The following CAPN8 variants were observed in gnomAD, a reference collection of about 807,000 sequenced individuals.
CAPN8 encodes the protein calpain-8.
Under a neutral mutation model 80.9 loss-of-function variants are expected in CAPN8, and 87 were observed. The observed-to-expected ratio is 1.07, with a 90% CI of 0.90 to 1.28. The LOEUF (loss-of-function observed/expected upper bound fraction) is 1.28. Ranked by LOEUF, CAPN8 falls within the 50% of genes most tolerant of loss-of-function variation. The probability of loss-of-function intolerance (pLI) is 0.00; values close to 1 mark genes in which losing one functional copy is unlikely to be tolerated. For synonymous variants in CAPN8, 299 were observed against 273.8 expected (o/e 1.09, Z -0.91); for missense variants, 757 against 702.0 (o/e 1.08, Z -0.89).
chr1:223,625,475 T>G (rs1657543146), intron 6 of CAPN8, among the ~76,000 whole-genome samples: 1 of 152,190 alleles, frequency 6.6e-6, no homozygotes, highest in South Asian at 2.1e-4. Flanking sequence ...TTTAATTTTT[T>G]CGTAGCGATG....
At chr1:223,545,407 ATGTCT>A (rs1216679915) in intron 16 of CAPN8, 108 bp from the exon 17 acceptor site, 2 of 1,502,414 alleles carry the variant, frequency 1.3e-6, no homozygotes, top group Non-Finnish European at 1.8e-6. Context: ...TGAACCTTCC[ATGTCT>A]GTGGCAAGCA....
intron 14 of CAPN8, among the ~76,000 whole-genome samples, chr1:223,553,304 C>A (rs1248813374): frequency 6.6e-6 from 1 of 152,284 alleles, no homozygotes; most frequent in African/African-American, 2.4e-5. Flanking sequence ...GCTCCAAGTG[C>A]CCAAGTTGCA....
chr1:223,613,519 A>T (rs953991978), intron 10 of CAPN8, among the ~76,000 whole-genome samples: 6 of 152,236 alleles, frequency 3.9e-5, no homozygotes, highest in African/African-American at 1.4e-4. Context: ...TGAGCCAGGC[A>T]GGTGGGGCCT....
At position 223,665,417 on chromosome 1, in the gene CAPN8, C is replaced by T. The variant is rs370877456; in HGVS notation, c.230G>A (p.Arg77Gln). The T allele has an allele frequency of 5.0e-5, 78 of 1,550,834 alleles. No individual in the cohort carries two copies. The highest frequency in any genetic ancestry group is 3.1e-4 in the African/African-American group (23 of 73,132). ...SPQTQGIIWK[R>Q]PTELCPSPQF... ...GCAAGCCCGCTTCCTTACCGTGGGC[C>T]GCTTCCAGATGATGCCTTGAGTTTG... Residue 77 changes from arginine (R) to glutamine (Q), a missense_variant, in exon 1 of 21, where the codon CGG becomes CAG. Transcript: ENST00000366872.
At chr1:223,637,800 A>G (rs1361280376) in intron 2 of CAPN8, among the ~76,000 whole-genome samples, 1 of 152,160 alleles carries the variant, frequency 6.6e-6, no homozygotes, top group African/African-American at 2.4e-5. Flanking sequence ...TAGAAATAGC[A>G]CAGGTTTTGA....
chr1:223,544,044 G>A (rs1249434228), intron 19 of CAPN8, 23 bp downstream of exon 19: 2 of 717,042 alleles, frequency 2.8e-6, no homozygotes, highest in East Asian at 5.4e-5. Context: ...AATAGGATGG[G>A]GCTGGAGGAC....
chr1:223,654,356 C>T lies in CAPN8; in HGVS notation c.281G>A (p.Arg94His), dbSNP rs780035684. The T allele has an allele frequency of 8.2e-5, 127 of 1,551,518 alleles. No individual in the cohort carries two copies. Among genetic ancestry groups the T allele is most frequent in the African/African-American group, 2.3e-4 (17 of 73,040 alleles). Reference sequence around the variant, plus strand: ...TAGACCACCCTGACAAATGTCTGTGCGCGTGGCTCCACCAACGATAAACTG... The same window carrying T: ...TAGACCACCCTGACAAATGTCTGTGTGCGTGGCTCCACCAACGATAAACTG... ...SPQFIVGGATRTDICQGGLGD... is the reference protein window; with the variant it reads ...SPQFIVGGATHTDICQGGLGD... Residue 94 changes from arginine to histidine, a missense_variant, in exon 2 of 21, where the codon CGC becomes CAC. Physicochemically the swap from Arg to His is conservative, Grantham distance 29 (BLOSUM62 0). Coordinates refer to ENST00000366872, the MANE Select transcript of CAPN8 (RefSeq NM_001143962.2).
intron 2 of CAPN8, among the ~76,000 whole-genome samples, chr1:223,652,848 G>A (rs747433942): frequency 2.0e-5 from 3 of 152,032 alleles, no homozygotes; most frequent in East Asian, 1.9e-4. Context: ...TCGGAGAGCT[G>A]GTTGGGTTCA....
At chr1:223,544,248 C>A in intron 18 of CAPN8, 65 bp from the exon 19 acceptor site, 4 of 697,802 alleles carry the variant, frequency 5.7e-6, no homozygotes, top group Non-Finnish European at 1.1e-5. Flanking sequence ...CCCATAAACA[C>A]TCAAGGAGCT....
chr1:223,557,151 C>T lies in CAPN8; in HGVS notation c.1572+980G>A, dbSNP rs1253853226. 2.6e-5 allele frequency among the ~76,000 whole-genome samples: 4 copies of T among 151,888 alleles called. No homozygotes were observed. In the South Asian group the frequency reaches 8.4e-4, roughly 32 times the overall value. On this transcript the variant is annotated intron_variant, in intron 13 of 20. Transcript: ENST00000366872. ...GGGCATGCATTTTCTATCTGATAAA[C>T]TCACAACACAAACCCCCAAGGCAAG...
intron 2 of CAPN8, 149 bp from the exon 3 acceptor site, chr1:223,628,929 A>T (rs1403118382): frequency 3.2e-5 from 20 of 616,148 alleles, no homozygotes; most frequent in African/African-American, 1.9e-4. Flanking sequence ...CTGGAAATGC[A>T]CCCGCAGCCA....
Position 223,628,788 on chromosome 1 carries a change from G to A in CAPN8, c.308-8C>T. 1 of 1,550,600 alleles carries A rather than the reference G, an allele frequency of 6.4e-7. No homozygotes were observed. The highest frequency in any genetic ancestry group is 8.7e-7 in the Non-Finnish European group (1 of 1,145,574). ...CCAGAAGCCAGCAGTCACCTGCACAGTGTCACAGGGGACACAGATTGGTCA... is the reference window on the plus strand; with the variant it reads ...CCAGAAGCCAGCAGTCACCTGCACAATGTCACAGGGGACACAGATTGGTCA... On this transcript the variant is annotated splice_region_variant and splice_polypyrimidine_tract_variant and intron_variant, in intron 2 of 20. Transcript: ENST00000366872.
chr1:223,624,724 A>AATAAATAAATAC (rs577702949), intron 6 of CAPN8, among the ~76,000 whole-genome samples: 8,953 of 140,742 alleles, frequency 0.064, 284 homozygotes, highest in South Asian at 0.11. Context: ...TAAATAAATA[A>AATAAATAAATAC]ATAAATAAAT....
At chr1:223,549,282 TAAAA>T in intron 16 of CAPN8, 32 bp downstream of exon 16, 1 of 1,425,992 alleles carries the variant, frequency 7.0e-7, no homozygotes, top group Non-Finnish European at 9.5e-7. Flanking sequence ...CGGACGAAAG[TAAAA>T]AAAAAAAAAT....
chr1:223,553,900 G>T lies in CAPN8; in HGVS notation c.1573C>A (p.Pro525Thr). The change falls in exon 14 of 21, where the codon CCA becomes ACA. Residue 525 changes from proline to threonine, a missense_variant and splice_region_variant. Coordinates refer to ENST00000366872, the MANE Select transcript of CAPN8 (RefSeq NM_001143962.2). ...TCCTGATCCACCTCACTGGGATGTG[G>T]CTAAAAAGAAGGACATTTGCAAAGT... ...GDVVAGNPYE[P>T]HPSEVDQEDD... The T allele has an allele frequency of 2.5e-6, 1 of 398,638 alleles. No individual in the cohort carries two copies. Among genetic ancestry groups the T allele is most frequent in the Non-Finnish European group, 4.4e-6 (1 of 226,076 alleles). 24.7% of individuals were successfully genotyped at this position (398,638 alleles called of 1,614,324 possible).
At chr1:223,622,651 C>A in intron 7 of CAPN8, 164 bp downstream of exon 7, 30 of 613,032 alleles carry the variant, frequency 4.9e-5, no homozygotes, top group Non-Finnish European at 6.3e-5. Flanking sequence ...TTTTGCTTTT[C>A]CCAGCCTGGA....
At chr1:223,612,050 G>C (rs931125981) in intron 11 of CAPN8, among the ~76,000 whole-genome samples, 196 bp downstream of exon 11, 4 of 152,228 alleles carry the variant, frequency 2.6e-5, no homozygotes, top group Non-Finnish European at 5.9e-5. Context: ...GGGCCTGACA[G>C]ATGGGACTTG....
At chr1:223,544,678 A>T in intron 18 of CAPN8, 94 bp downstream of exon 18, 1 of 1,509,076 alleles carries the variant, frequency 6.6e-7, no homozygotes, top group Non-Finnish European at 8.9e-7. Context: ...AGAAAGCTAC[A>T]AATGATGATC....
chr1:223,648,735 A>G (rs1023149691), intron 2 of CAPN8, among the ~76,000 whole-genome samples: 1 of 152,258 alleles, frequency 6.6e-6, no homozygotes, highest in Non-Finnish European at 1.5e-5. Context: ...TACAGAATAT[A>G]AAACTCAATA....
Sources: gnomAD v4.1 joint callset for allele counts (sites outside exome capture counted in the v4.1 genomes callset) on GRCh38, gnomAD v4.1.1 for gene constraint, MANE v1.5 for transcripts, NCBI Gene and HGNC (gene_info 2026-07-23, HGNC 2026-07-21) for gene names.